RAB11FIP4: variants seen among roughly 807,000 people sequenced by gnomAD.
RAB11FIP4 encodes the protein RAB11 family interacting protein 4.
Under a neutral mutation model 74.3 loss-of-function variants are expected in RAB11FIP4, and 23 were observed. The observed-to-expected ratio is 0.31, with a 90% CI of 0.22 to 0.44. RAB11FIP4 has a LOEUF of 0.44. RAB11FIP4 is among the 20% of genes least tolerant of loss of function. RAB11FIP4 has a pLI of 1.00. For synonymous variants in RAB11FIP4, 360 were observed against 359.9 expected (o/e 1.00, Z 0.00); for missense variants, 630 against 863.9 (o/e 0.73, Z 3.39).
intron 3 of RAB11FIP4, among the ~76,000 whole-genome samples, chr17:31,464,165 A>G (rs949944276): frequency 1.3e-5 from 2 of 151,886 alleles, no homozygotes; most frequent in Non-Finnish European, 2.9e-5. Context: ...CAAGGATCAT[A>G]CTTGCCTGTG....
intron 3 of RAB11FIP4, among the ~76,000 whole-genome samples, chr17:31,505,628 T>A (rs376894893): frequency 7.2e-4 from 43 of 59,838 alleles, no homozygotes; most frequent in Admixed American, 1.3e-3. Flanking sequence ...AATATATAAT[T>A]ATATAATAAT....
In RAB11FIP4 at chr17:31,434,028, G is replaced by A; in HGVS notation, c.248-6G>A. On this transcript the variant is annotated splice_polypyrimidine_tract_variant and splice_region_variant and intron_variant, in intron 2 of 14. Coordinates refer to ENST00000621161, the MANE Select transcript of RAB11FIP4 (RefSeq NM_032932.6). ...CACTGTCCCGTGTGTCTGCCTGTCT[G>A]CGCAGGGTGCGAGGAGCTGCTGAAG... is the stretch of plus-strand genomic sequence containing the variant. 1 of 1,577,622 alleles carries A rather than the reference G, an allele frequency of 6.3e-7. No individual in the cohort carries two copies. Among genetic ancestry groups the A allele is most frequent in the Non-Finnish European group, 8.5e-7 (1 of 1,170,508 alleles).
At chr17:31,473,506 G>A (rs2071760511) in intron 3 of RAB11FIP4, among the ~76,000 whole-genome samples, 4 of 152,152 alleles carry the variant, frequency 2.6e-5, no homozygotes, top group African/African-American at 7.2e-5. Flanking sequence ...ACGCCACTGC[G>A]CTTCAGCCTG....
intron 3 of RAB11FIP4, among the ~76,000 whole-genome samples, chr17:31,478,065 T>G (rs1297495889): frequency 6.7e-6 from 1 of 149,938 alleles, no homozygotes; most frequent in Non-Finnish European, 1.5e-5. Flanking sequence ...AGATCTCGGC[T>G]CACTGCAACC....
intron 1 of RAB11FIP4, among the ~76,000 whole-genome samples, chr17:31,415,161 AG>A (rs761237687): frequency 8.5e-5 from 13 of 152,220 alleles, no homozygotes; most frequent in Non-Finnish European, 1.9e-4. Context: ...ATCACTGGCA[AG>A]GGGGAAGAGC....
chr17:31,417,480 C>T (rs2071159280), intron 1 of RAB11FIP4, among the ~76,000 whole-genome samples: 1 of 152,174 alleles, frequency 6.6e-6, no homozygotes, highest in Admixed American at 6.5e-5. Context: ...GCTAAAACAG[C>T]ATAAAAATGC....
At chr17:31,464,311 A>G (rs2071663408) in intron 3 of RAB11FIP4, among the ~76,000 whole-genome samples, 1 of 151,836 alleles carries the variant, frequency 6.6e-6, no homozygotes, top group Non-Finnish European at 1.5e-5. Context: ...CCCACTCATG[A>G]CAGAGCAGCT....
chr17:31,394,431 T>A (rs1443216405), intron 1 of RAB11FIP4, among the ~76,000 whole-genome samples: 1 of 152,252 alleles, frequency 6.6e-6, no homozygotes, highest in Non-Finnish European at 1.5e-5. Flanking sequence ...TGCTGTTTCC[T>A]CTCCAGGACT....
At chr17:31,519,507 G>A (rs1177886641) in intron 4 of RAB11FIP4, among the ~76,000 whole-genome samples, 1 of 152,126 alleles carries the variant, frequency 6.6e-6, no homozygotes, top group Admixed American at 6.5e-5. Context: ...GTCTCTCGAG[G>A]GATACAGTGC....
chr17:31,517,574 G>A (rs538334403), intron 3 of RAB11FIP4, 77 bp from the exon 4 acceptor site: 1 of 1,383,990 alleles, frequency 7.2e-7, no homozygotes, highest in Admixed American at 2.0e-5. Context: ...CCTGGCTGAT[G>A]CCCTTGTGGT....
At chr17:31,435,339 C>T (rs1323625483) in intron 3 of RAB11FIP4, among the ~76,000 whole-genome samples, 1 of 152,152 alleles carries the variant, frequency 6.6e-6, no homozygotes, top group East Asian at 1.9e-4. Flanking sequence ...TATCAGGAAG[C>T]GGGACAAAGA....
intron 3 of RAB11FIP4, among the ~76,000 whole-genome samples, chr17:31,448,872 T>G (rs1416471852): frequency 6.6e-6 from 1 of 152,138 alleles, no homozygotes; most frequent in Admixed American, 6.5e-5. Flanking sequence ...CCACTTTCTG[T>G]GTGTCATTTG....
chr17:31,456,522 T>G (rs2071580592), intron 3 of RAB11FIP4, among the ~76,000 whole-genome samples: 1 of 152,216 alleles, frequency 6.6e-6, no homozygotes, highest in South Asian at 2.1e-4. Flanking sequence ...ACATTCTTTT[T>G]AGGATTTTGT....
intron 3 of RAB11FIP4, among the ~76,000 whole-genome samples, chr17:31,467,783 G>A (rs369859570): frequency 8.5e-5 from 13 of 152,294 alleles, no homozygotes; most frequent in African/African-American, 2.9e-4. Flanking sequence ...CTCCATTACC[G>A]CTCTTTTCCT....
chr17:31,416,068 ACCT>A (rs2071144816), intron 1 of RAB11FIP4, among the ~76,000 whole-genome samples: 1 of 152,194 alleles, frequency 6.6e-6, no homozygotes, highest in Admixed American at 6.5e-5. Context: ...ACGCAGTGGT[ACCT>A]TATCGAAGCC....
At chr17:31,427,322 C>A (rs2071262717) in intron 1 of RAB11FIP4, among the ~76,000 whole-genome samples, 1 of 152,188 alleles carries the variant, frequency 6.6e-6, no homozygotes. Context: ...CCTGTGGGAG[C>A]AGCTGTAGAG....
chr17:31,403,089 C>T (rs2071008724), intron 1 of RAB11FIP4, among the ~76,000 whole-genome samples: 2 of 147,612 alleles, frequency 1.4e-5, no homozygotes, highest in South Asian at 4.3e-4. Context: ...CATTTCTTCA[C>T]CGCCCCGCCC....
chr17:31,505,645 A>ATAATACATAATTAT (rs1567681563), intron 3 of RAB11FIP4, among the ~76,000 whole-genome samples: 50 of 94,698 alleles, frequency 5.3e-4, no homozygotes, highest in African/African-American at 2.7e-3. Flanking sequence ...TAATAATTAT[A>ATAATACATAATTAT]TATAATATAT....
chr17:31,446,113 A>G (rs1404740420), intron 3 of RAB11FIP4, among the ~76,000 whole-genome samples: 1 of 150,800 alleles, frequency 6.6e-6, no homozygotes, highest in Non-Finnish European at 1.5e-5. Flanking sequence ...CTCAATTTAG[A>G]TTTGCCTTTA....
Sources: allele counts gnomAD v4.1 joint callset (sites outside exome capture counted in the v4.1 genomes callset), GRCh38; gene constraint gnomAD v4.1.1; transcripts MANE v1.5; gene names NCBI Gene and HGNC (gene_info 2026-07-23, HGNC 2026-07-21).